EGFR: variants seen among roughly 807,000 people sequenced by gnomAD.
The protein encoded by EGFR is avian erythroblastic leukemia viral (v-erb-b) oncogene homolog.
EGFR carries 58 observed loss-of-function variants against 143.0 expected under a neutral mutation model. The observed-to-expected ratio is 0.41, with a 90% CI of 0.33 to 0.50. EGFR has a LOEUF of 0.50. Ranked by LOEUF, EGFR falls within the 20% of genes least tolerant of loss-of-function variation. The pLI is 0.39. For missense variants in EGFR, 1,307 were observed against 1,579.0 expected (o/e 0.83, Z 2.92); for synonymous variants, 613 against 594.4 (o/e 1.03, Z -0.45).
intron 7 of EGFR, 93 bp from the exon 8 acceptor site, chr7:55,155,737 T>G: frequency 1.1e-6 from 1 of 935,020 alleles, no homozygotes; most frequent in Non-Finnish European, 1.8e-6. Flanking sequence ...ATGGAGCCTT[T>G]CCATCACCCC....
At chr7:55,157,960 G>GC (rs1785512585) in intron 11 of EGFR, among the ~76,000 whole-genome samples, 1 of 152,334 alleles carries the variant, frequency 6.6e-6, no homozygotes, top group African/African-American at 2.4e-5. Context: ...ACTTCTCAGC[G>GC]CTCGCCAGTG....
At chr7:55,154,993 T>A (rs1226706405) in intron 7 of EGFR, among the ~76,000 whole-genome samples, 2 of 151,844 alleles carry the variant, frequency 1.3e-5, no homozygotes, top group Non-Finnish European at 2.9e-5. Flanking sequence ...GCCACAGTGA[T>A]GACACAGATA....
chr7:55,023,999 G>T (rs866192793), intron 1 of EGFR, among the ~76,000 whole-genome samples: 1 of 152,154 alleles, frequency 6.6e-6, no homozygotes, highest in Non-Finnish European at 1.5e-5. Flanking sequence ...TTGAATTTGG[G>T]CAAGAATCCA....
chr7:55,189,332 A>T (rs1472984692), intron 20 of EGFR, among the ~76,000 whole-genome samples: 1 of 152,000 alleles, frequency 6.6e-6, no homozygotes, highest in Non-Finnish European at 1.5e-5. Flanking sequence ...TCGTGTGGGG[A>T]CTGGGATAGA....
At chr7:55,067,157 T>C (rs982614662) in intron 1 of EGFR, among the ~76,000 whole-genome samples, 2 of 151,868 alleles carry the variant, frequency 1.3e-5, no homozygotes, top group Admixed American at 6.5e-5. Context: ...TGCACCTGCG[T>C]GAGCACAGCT....
chr7:55,089,397 A>G (rs1409476648), intron 1 of EGFR, among the ~76,000 whole-genome samples: 1 of 152,192 alleles, frequency 6.6e-6, no homozygotes, highest in African/African-American at 2.4e-5. Context: ...TTTTCAATGG[A>G]GGAATTTTTA....
intron 19 of EGFR, among the ~76,000 whole-genome samples, chr7:55,175,962 G>T (rs1265122302): frequency 6.6e-6 from 1 of 152,188 alleles, no homozygotes; most frequent in Non-Finnish European, 1.5e-5. Flanking sequence ...CTGTAAAATT[G>T]ATGATATACT....
chr7:55,123,079 A>G (rs1413663245), intron 1 of EGFR, among the ~76,000 whole-genome samples: 2 of 152,260 alleles, frequency 1.3e-5, no homozygotes, highest in Non-Finnish European at 2.9e-5. Context: ...AAAAATCAAC[A>G]AGACTAGGTC....
In EGFR at chr7:55,210,773, T is replaced by G. The variant is rs1471006924; in HGVS notation, c.*5156T>G. On this transcript the variant is annotated 3_prime_UTR_variant, in exon 28 of 28. Coordinates refer to ENST00000275493, the MANE Select transcript of EGFR (RefSeq NM_005228.5). ...ACCTCTTTCCATTTCCTAAGGTTTC[T>G]CTCTTTATTAAGGGTGGACTAGTAA... 6.6e-6 allele frequency: 1 copy of G among 152,234 alleles called. No individual in the cohort carries two copies. Among genetic ancestry groups the G allele is most frequent in the African/African-American group, 2.4e-5 (1 of 41,460 alleles). The allele number at this position is 152,234 out of a possible 1,614,324, so 9.4% of individuals were successfully genotyped here. A position where few individuals can be genotyped will look rare whatever the true frequency, so the allele number is the denominator to read the frequency against.
intron 1 of EGFR, among the ~76,000 whole-genome samples, chr7:55,055,713 C>T (rs534368380): frequency 1.2e-3 from 101 of 84,450 alleles, no homozygotes; most frequent in African/African-American, 5.2e-3. Flanking sequence ...CGCACACACA[C>T]ACACACACAC....
At chr7:55,118,806 A>C (rs914499067) in intron 1 of EGFR, among the ~76,000 whole-genome samples, 4 of 152,214 alleles carry the variant, frequency 2.6e-5, no homozygotes, top group Non-Finnish European at 4.4e-5. Context: ...ATAAGAAGTC[A>C]GCCCATCAGC....
At chr7:55,170,609 C>T in intron 15 of EGFR, 3 of 1,605,772 alleles carry the variant, frequency 1.9e-6, no homozygotes, top group Non-Finnish European at 2.5e-6. Flanking sequence ...ACGTGGGCCG[C>T]CAGGTTCCCA....
rs756092312 is a variant in EGFR, at chr7:55,205,645, A to G, written c.*28A>G. 1 of 1,614,100 alleles carries G rather than the reference A, an allele frequency of 6.2e-7. No homozygotes were observed. Among genetic ancestry groups the G allele is most frequent in the Non-Finnish European group, 8.5e-7 (1 of 1,179,990 alleles). ...ACGGAGGATAGTATGAGCCCTAAAA[A>G]TCCAGACTCTTTCGATACCCAGGAC... is the stretch of plus-strand genomic sequence containing the variant. On this transcript the variant is annotated 3_prime_UTR_variant, in exon 28 of 28. Transcript: ENST00000275493.
intron 1 of EGFR, among the ~76,000 whole-genome samples, chr7:55,044,541 T>G (rs1275273160): frequency 6.6e-6 from 1 of 152,238 alleles, no homozygotes; most frequent in African/African-American, 2.4e-5. Context: ...GAAGTCACCA[T>G]GCATTTGTGG....
chr7:55,211,010 T>A lies in EGFR; in HGVS notation c.*5393T>A, dbSNP rs966122615. On this transcript the variant is annotated 3_prime_UTR_variant, in exon 28 of 28. Coordinates refer to ENST00000275493, the MANE Select transcript of EGFR (RefSeq NM_005228.5). The stretch of plus-strand genomic sequence containing the variant: ...TTCATGCTTTAAGAAACATTTGTTA[T>A]ACATTCCTCACAAATTATACCTGGG... 6 of 152,234 alleles carry A rather than the reference T, an allele frequency of 3.9e-5. No individual in the cohort carries two copies. Among genetic ancestry groups the A allele is most frequent in the African/African-American group, 1.4e-4 (6 of 41,452 alleles). 9.4% of individuals were successfully genotyped at this position (152,234 alleles called of 1,614,324 possible). A position where few individuals can be genotyped will look rare whatever the true frequency, so the allele number is the denominator to read the frequency against.
chr7:55,134,630 G>T (rs1425929875), intron 1 of EGFR, among the ~76,000 whole-genome samples: 2 of 152,138 alleles, frequency 1.3e-5, no homozygotes, highest in African/African-American at 4.8e-5. Context: ...GCCCAATTTT[G>T]TTTCTTATAG....
chr7:55,031,811 C>T (rs920298263), intron 1 of EGFR, among the ~76,000 whole-genome samples: 2 of 152,166 alleles, frequency 1.3e-5, no homozygotes, highest in African/African-American at 4.8e-5. Context: ...TTATATTCTT[C>T]GGGGTTTTTT....
chr7:55,169,558 A>G (rs1294785474), intron 15 of EGFR, among the ~76,000 whole-genome samples: 1 of 152,074 alleles, frequency 6.6e-6, no homozygotes, highest in Non-Finnish European at 1.5e-5. Context: ...ATATGTATAA[A>G]TTCCTTACCA....
In EGFR at chr7:55,068,713, G is replaced by A. The variant is rs77091114; in HGVS notation, c.88+49348G>A. ...GCTGAAGTATTGAGAACGCTCCAGT[G>A]ACCGGGAGGCAATAGTCTGTCCACA... On this transcript the variant is annotated intron_variant, in intron 1 of 27. Transcript: ENST00000275493. Among the ~76,000 whole-genome samples, 938 of 152,304 alleles carry A rather than the reference G, an allele frequency of 6.2e-3. 10 individuals are homozygous for A. Among genetic ancestry groups the A allele is most frequent in the African/African-American group, 0.021 (875 of 41,554 alleles).
Sources: gnomAD v4.1 joint callset for allele counts (sites outside exome capture counted in the v4.1 genomes callset) on GRCh38, gnomAD v4.1.1 for gene constraint, MANE v1.5 for transcripts, NCBI Gene and HGNC (gene_info 2026-07-23, HGNC 2026-07-21) for gene names.